MYH10: variants seen among roughly 807,000 people sequenced by gnomAD.
MYH10 encodes the protein myosin-10.
MYH10 carries 55 observed loss-of-function variants against 257.8 expected under a neutral mutation model. That is an observed-to-expected ratio of 0.21 (90% CI 0.17 to 0.27). The LOEUF is 0.27. Ranked by LOEUF, MYH10 falls within the 10% of genes least tolerant of loss-of-function variation. The pLI is 1.00. For missense variants in MYH10, 1,631 were observed against 2,500.6 expected, an observed-to-expected ratio of 0.65 and a Z score of 7.42; for synonymous variants, 854 against 921.7, an observed-to-expected ratio of 0.93 and a Z score of 1.33.
intron 34 of MYH10, 73 bp downstream of exon 34, chr17:8,492,224 C>T (rs932001098): frequency 2.4e-5 from 35 of 1,455,846 alleles, no homozygotes; most frequent in African/African-American, 1.4e-4. Context: ...AGGAGTCGCC[C>T]GCTCCTGTGT....
chr17:8,587,464 T>A (rs1276775077), intron 4 of MYH10, among the ~76,000 whole-genome samples: 1 of 152,166 alleles, frequency 6.6e-6, no homozygotes, highest in East Asian at 1.9e-4. Flanking sequence ...AAATACCAAG[T>A]CTTCTACTTC....
At chr17:8,611,235 C>A (rs1007733214) in intron 2 of MYH10, among the ~76,000 whole-genome samples, 1 of 152,306 alleles carries the variant, frequency 6.6e-6, no homozygotes, top group Admixed American at 6.5e-5. Flanking sequence ...GCGTGAAGCC[C>A]AGTTGGAACA....
At chr17:8,618,364 C>G (rs1375449999) in intron 2 of MYH10, among the ~76,000 whole-genome samples, 1 of 151,998 alleles carries the variant, frequency 6.6e-6, no homozygotes, top group Non-Finnish European at 1.5e-5. Flanking sequence ...CTCAGCCTCC[C>G]AAGTAGCTGG....
intron 36 of MYH10, among the ~76,000 whole-genome samples, chr17:8,484,806 C>T (rs1914484153): frequency 6.6e-6 from 1 of 152,188 alleles, no homozygotes; most frequent in African/African-American, 2.4e-5. Context: ...ATTTCTTCAA[C>T]TCTGATTAAG....
chr17:8,571,681 C>T (rs569155203), intron 6 of MYH10, among the ~76,000 whole-genome samples: 82 of 151,864 alleles, frequency 5.4e-4, no homozygotes, highest in African/African-American at 1.8e-3. Context: ...TCGCTTGAAC[C>T]GAGGAGGCAG....
rs1912201308 is a variant in MYH10 at position 8,474,593 on chromosome 17, AGCACAG to A, written c.*1205_*1210del. 2.0e-5 allele frequency: 3 copies of A among 152,700 alleles called. No homozygotes were observed. Among genetic ancestry groups the A allele is most frequent in the African/African-American group, 4.8e-5 (2 of 41,480 alleles). 9.5% of individuals were successfully genotyped at this position (152,700 alleles called of 1,614,324 possible). A position where few individuals can be genotyped will look rare whatever the true frequency, so the allele number is the denominator to read the frequency against. ...TTGACTAGAGAGGTACATGATATGA[AGCACAG>A]TCAAAACTGAATACATTAAATTGTT... On this transcript the variant is annotated 3_prime_UTR_variant, in exon 43 of 43. Transcript: ENST00000360416.
rs542952593 is a variant in MYH10 at position 8,583,248 on chromosome 17, T to C, written c.530+5833A>G. Among the ~76,000 whole-genome samples, 12 of 152,318 alleles carry C rather than the reference T, an allele frequency of 7.9e-5. 1 individual carries two copies. The South Asian group carries it at 2.1e-3, about 26-fold the overall frequency. ...CATATTTGCCTAGAACATTTTACAT[T>C]TCTATTTACAAGTTGATTTGATACT... On this transcript the variant is annotated intron_variant, in intron 4 of 42. Transcript: ENST00000360416.
At chr17:8,494,145 A>G (rs1317410612) in intron 31 of MYH10, among the ~76,000 whole-genome samples, 1 of 152,112 alleles carries the variant, frequency 6.6e-6, no homozygotes, top group Non-Finnish European at 1.5e-5. Flanking sequence ...GCCTCCAGGC[A>G]TCCCCGAGGC....
chr17:8,579,542 C>G (rs1001220465), intron 4 of MYH10, among the ~76,000 whole-genome samples: 7 of 152,142 alleles, frequency 4.6e-5, no homozygotes, highest in Admixed American at 1.3e-4. Flanking sequence ...GCTGACAATT[C>G]TAGATATAAC....
intron 7 of MYH10, among the ~76,000 whole-genome samples, chr17:8,565,026 T>C (rs1378471810): frequency 6.6e-6 from 1 of 152,206 alleles, no homozygotes; most frequent in East Asian, 1.9e-4. Flanking sequence ...GATTCCTAGG[T>C]ATTTTGTCTT....
chr17:8,569,374 G>A lies in MYH10; in HGVS notation c.756+346C>T, dbSNP rs576816436. Among the ~76,000 whole-genome samples the A allele has an allele frequency of 5.9e-5, 9 of 152,260 alleles. No individual in the cohort carries two copies. The highest frequency in any genetic ancestry group is 1.2e-4 in the Non-Finnish European group (8 of 68,030). Reference sequence around the variant, plus strand: ...CATAGTGCCGGGCTAAGTGCTCAGCGTGCACACCATTTATTCTCTACTCCG... The same window carrying A: ...CATAGTGCCGGGCTAAGTGCTCAGCATGCACACCATTTATTCTCTACTCCG... On this transcript the variant is annotated intron_variant, in intron 7 of 42. Coordinates refer to ENST00000360416, the MANE Select transcript of MYH10 (RefSeq NM_001256012.3). This position sits in a 1 kb window ranked among gnomAD's most constrained non-coding sequence, Gnocchi z 4.1.
intron 2 of MYH10, among the ~76,000 whole-genome samples, chr17:8,621,591 T>G (rs2085469920): frequency 6.6e-6 from 1 of 152,094 alleles, no homozygotes; most frequent in Admixed American, 6.5e-5. Context: ...TTCTTATCCC[T>G]GGCTTAGTCT....
intron 7 of MYH10, among the ~76,000 whole-genome samples, chr17:8,562,547 C>T (rs1204399089): frequency 6.6e-6 from 1 of 152,228 alleles, no homozygotes; most frequent in Non-Finnish European, 1.5e-5. Context: ...AAAATGCCCA[C>T]TCCATAATTG....
At chr17:8,503,979 C>T (rs2080990474) in intron 28 of MYH10, among the ~76,000 whole-genome samples, 1 of 152,144 alleles carries the variant, frequency 6.6e-6, no homozygotes, top group Non-Finnish European at 1.5e-5. Flanking sequence ...TGCTGCTCTC[C>T]ACAGTGATGA....
At chr17:8,606,646 G>GAA (rs2084822854) in intron 2 of MYH10, among the ~76,000 whole-genome samples, 1 of 152,226 alleles carries the variant, frequency 6.6e-6, no homozygotes, top group Non-Finnish European at 1.5e-5. Context: ...GATCAGAACT[G>GAA]TCTCTCTGGC....
chr17:8,510,885 C>T (rs937821312), intron 24 of MYH10, among the ~76,000 whole-genome samples: 21 of 151,736 alleles, frequency 1.4e-4, no homozygotes, highest in African/African-American at 4.9e-4. Flanking sequence ...TTAGAACGTG[C>T]AGATCTTTAT....
Position 8,476,059 on chromosome 17 carries a change from G to A in MYH10, c.5880-111C>T. On this transcript the variant is annotated intron_variant, in intron 42 of 42. Coordinates refer to ENST00000360416, the MANE Select transcript of MYH10 (RefSeq NM_001256012.3). ...ACCTTCCCCTTGCACCCCCTCCTCG[G>A]ACACACGACCTTGTGGGGGTGGCGG... 3 of 1,251,324 alleles carry A rather than the reference G, an allele frequency of 2.4e-6. No homozygotes were observed. The South Asian group carries it at 4.4e-5, about 18-fold the overall frequency. 77.5% of individuals were successfully genotyped at this position (1,251,324 alleles called of 1,614,324 possible). A position where few individuals can be genotyped will look rare whatever the true frequency, so the allele number is the denominator to read the frequency against.
At chr17:8,498,827 A>G (rs1435369886) in intron 30 of MYH10, among the ~76,000 whole-genome samples, 2 of 152,150 alleles carry the variant, frequency 1.3e-5, no homozygotes, top group South Asian at 2.1e-4. Context: ...CAGCCTGGGC[A>G]ACAGAGCGAG....
Position 8,623,063 on chromosome 17 carries a change from A to T in MYH10, c.184T>A (p.Leu62Met), listed in dbSNP as rs1275715606. ...EERGDEVMVELAENGKKAMVN... is the reference protein window; with the variant it reads ...EERGDEVMVEMAENGKKAMVN... ...ATTGCTTTCTTTCCATTCTCTGCCAACTCCACCATAACTTCATCTCCCCGT... is the reference window on the plus strand; with the variant it reads ...ATTGCTTTCTTTCCATTCTCTGCCATCTCCACCATAACTTCATCTCCCCGT... Residue 62 changes from leucine to methionine, a missense_variant, in exon 2 of 43, where the codon TTG (leucine) becomes ATG (methionine). By Grantham distance (15) the Leu-to-Met change is conservative. Coordinates refer to ENST00000360416, the MANE Select transcript of MYH10 (RefSeq NM_001256012.3). 3 of 1,613,972 alleles carry T rather than the reference A, an allele frequency of 1.9e-6. No individual in the cohort carries two copies. The highest frequency in any genetic ancestry group is 1.7e-6 in the Non-Finnish European group (2 of 1,180,004).
Sources: gnomAD v4.1 joint callset for allele counts (sites outside exome capture counted in the v4.1 genomes callset) on GRCh38, gnomAD v4.1.1 for gene constraint, Gnocchi (gnomAD v3.1) non-coding constraint, MANE v1.5 for transcripts, NCBI Gene and HGNC (gene_info 2026-07-23, HGNC 2026-07-21) for gene names.